Variants in EXOC4 observed in about 807,000 individuals in gnomAD.
EXOC4 encodes the protein exocyst complex component 4.
A neutral mutation model predicts 107.2 loss-of-function variants in EXOC4; 71 were observed. That is an observed-to-expected ratio of 0.66 (90% confidence interval 0.55 to 0.81). EXOC4 has a LOEUF of 0.81. EXOC4 is among the 30% of genes least tolerant of loss of function. The pLI is 0.00. For missense variants in EXOC4, 1,108 were observed against 1,189.6 expected (o/e 0.93, Z 1.01); for synonymous variants, 456 against 441.2 (o/e 1.03, Z -0.42).
intron 6 of EXOC4, among the ~76,000 whole-genome samples, chr7:133,365,083 G>A (rs1344214422): frequency 6.6e-6 from 1 of 152,154 alleles, no homozygotes; most frequent in African/African-American, 2.4e-5. Context: ...TGGACATGTT[G>A]AGAAGCGTGA....
At chr7:133,793,261 G>T (rs886426084) in intron 10 of EXOC4, among the ~76,000 whole-genome samples, 4 of 152,106 alleles carry the variant, frequency 2.6e-5, no homozygotes, top group Non-Finnish European at 5.9e-5. Context: ...ATAGTACTCT[G>T]TTAATCTTGA....
the EXOC4 span, among the ~76,000 whole-genome samples, chr7:134,076,449 C>T: frequency 2.4e-4 from 37 of 151,880 alleles, 1 homozygote; most frequent in African/African-American, 2.4e-5. Context: ...ACCTAGGAGG[C>T]GGAGCTTGCA....
chr7:133,439,301 C>G (rs1584918608), intron 7 of EXOC4, among the ~76,000 whole-genome samples: 2 of 151,294 alleles, frequency 1.3e-5, no homozygotes, highest in African/African-American at 4.9e-5. Flanking sequence ...TCTCCTGCCT[C>G]AGCCTCCCAA....
At chr7:133,278,791 C>A (rs1794058736) in intron 2 of EXOC4, among the ~76,000 whole-genome samples, 1 of 152,070 alleles carries the variant, frequency 6.6e-6, no homozygotes, top group Non-Finnish European at 1.5e-5. Flanking sequence ...GCTTTGAGCA[C>A]AGGAATAACA....
chr7:133,778,480 A>G (rs566052145), intron 10 of EXOC4, among the ~76,000 whole-genome samples: 2 of 152,320 alleles, frequency 1.3e-5, no homozygotes, highest in South Asian at 4.1e-4. Flanking sequence ...GCTACTGGGA[A>G]GGTTGAGGCG....
chr7:133,612,059 G>A (rs1802085982), intron 9 of EXOC4, among the ~76,000 whole-genome samples: 1 of 152,130 alleles, frequency 6.6e-6, no homozygotes, highest in Non-Finnish European at 1.5e-5. Flanking sequence ...CTTCCCTACA[G>A]TGTTTGTAAT....
At chr7:133,915,909 C>G (rs555514322) in intron 12 of EXOC4, among the ~76,000 whole-genome samples, 1 of 152,256 alleles carries the variant, frequency 6.6e-6, no homozygotes, top group African/African-American at 2.4e-5. Flanking sequence ...TTTCCTCCTG[C>G]CTCACCTCAT....
chr7:133,906,803 G>A (rs1174617086), intron 12 of EXOC4, among the ~76,000 whole-genome samples: 2 of 152,182 alleles, frequency 1.3e-5, no homozygotes, highest in African/African-American at 4.8e-5. Flanking sequence ...GCCCCCGATC[G>A]GGCTAAAGGC....
intron 10 of EXOC4, among the ~76,000 whole-genome samples, chr7:133,710,965 A>G (rs1794880452): frequency 1.3e-5 from 2 of 151,956 alleles, no homozygotes; most frequent in Non-Finnish European, 2.9e-5. Flanking sequence ...TGAATGAGGG[A>G]AGAGATTTTG....
Position 133,374,982 on chromosome 7 carries a change from A to G in EXOC4, c.1162A>G (p.Lys388Glu). ...KLYDMADVWVKIQDVLQMLLT... is the reference protein window; with the variant it reads ...KLYDMADVWVEIQDVLQMLLT... ...GTATGATATGGCAGATGTATGGGTG[A>G]AGATCCAAGATGTTCTACAGGTAAG... is the stretch of plus-strand genomic sequence containing the variant. The change falls in exon 7 of 18, where the codon AAG becomes GAG. Residue 388 changes from lysine to glutamate, a missense_variant. Coordinates refer to ENST00000253861, the MANE Select transcript of EXOC4 (RefSeq NM_021807.4). 3.7e-6 allele frequency: 6 copies of G among 1,613,670 alleles called. No individual in the cohort carries two copies. The highest frequency in any genetic ancestry group is 5.1e-6 in the Non-Finnish European group (6 of 1,179,896).
At chr7:133,511,442 TTCTC>T (rs761664569) in intron 9 of EXOC4, among the ~76,000 whole-genome samples, 2 of 152,198 alleles carry the variant, frequency 1.3e-5, no homozygotes, top group Middle Eastern at 3.2e-3. Context: ...CATTTCAGTG[TTCTC>T]TCTGTCTCTG....
chr7:133,877,984 G>A (rs1200981875), intron 11 of EXOC4, among the ~76,000 whole-genome samples: 2 of 152,092 alleles, frequency 1.3e-5, no homozygotes, highest in African/African-American at 2.4e-5. Flanking sequence ...CACGTCATTT[G>A]TTTTTCATCT....
At chr7:133,906,197 T>C (rs1328630131) in intron 12 of EXOC4, among the ~76,000 whole-genome samples, 1 of 152,162 alleles carries the variant, frequency 6.6e-6, no homozygotes, top group Non-Finnish European at 1.5e-5. Context: ...TCTGGTGGCT[T>C]CTGAAGCCCT....
At chr7:134,054,739 G>A (rs995111167) in intron 17 of EXOC4, among the ~76,000 whole-genome samples, 1 of 152,176 alleles carries the variant, frequency 6.6e-6, no homozygotes, top group Non-Finnish European at 1.5e-5. Context: ...TTTTCTAGAG[G>A]CACTGCATCA....
At chr7:133,603,625 T>C (rs568238775) in intron 9 of EXOC4, among the ~76,000 whole-genome samples, 18 of 152,278 alleles carry the variant, frequency 1.2e-4, no homozygotes, top group Non-Finnish European at 1.9e-4. Flanking sequence ...TTTGTCTATC[T>C]AAACATATGT....
At chr7:133,563,288 T>C (rs1490355240) in intron 9 of EXOC4, among the ~76,000 whole-genome samples, 3 of 152,178 alleles carry the variant, frequency 2.0e-5, no homozygotes, top group Non-Finnish European at 2.9e-5. Context: ...TTAAAGAATG[T>C]CTCAAGAAAT....
At chr7:134,059,855 G>A (rs1796016466) in intron 17 of EXOC4, among the ~76,000 whole-genome samples, 3 of 152,002 alleles carry the variant, frequency 2.0e-5, no homozygotes, top group Admixed American at 1.3e-4. Context: ...TATTCTATAT[G>A]GCATATGTAT....
At chr7:133,955,072 C>T (rs1202289677) in intron 14 of EXOC4, among the ~76,000 whole-genome samples, 1 of 152,240 alleles carries the variant, frequency 6.6e-6, no homozygotes, top group Non-Finnish European at 1.5e-5. Flanking sequence ...CTCCTCTCTT[C>T]TGTCCTTGTT....
chr7:133,652,704 G>A (rs1007354053), intron 10 of EXOC4, among the ~76,000 whole-genome samples: 2 of 152,134 alleles, frequency 1.3e-5, no homozygotes, highest in Admixed American at 1.3e-4. Flanking sequence ...GCCTTAGGTG[G>A]CCCCCTTGGC....
Sources: allele counts gnomAD v4.1 joint callset (sites outside exome capture counted in the v4.1 genomes callset), GRCh38; gene constraint gnomAD v4.1.1; transcripts MANE v1.5; gene names NCBI Gene and HGNC (gene_info 2026-07-23, HGNC 2026-07-21).